The following C9orf50 variants were observed in gnomAD, a reference collection of about 807,000 sequenced individuals.
The protein encoded by C9orf50 is chromosome 9 open reading frame 50, also known as uncharacterized protein C9orf50.
Under a neutral mutation model 42.5 loss-of-function variants are expected in C9orf50, and 33 were observed. The ratio of observed to expected loss-of-function variants is 0.78; its 90% CI spans 0.59 to 1.04. The LOEUF (loss-of-function observed/expected upper bound fraction) is 1.04, where lower values mean the gene tolerates loss of function less well. C9orf50 is among the 50% of genes least tolerant of loss of function. The pLI, the probability that C9orf50 is intolerant of heterozygous loss-of-function variation, is 0.00. For synonymous variants in C9orf50, 257 were observed against 273.4 expected (o/e 0.94, Z 0.59); for missense variants, 547 against 594.3 (o/e 0.92, Z 0.83).
chr9:129,620,464 C>T lies in C9orf50; in HGVS notation c.111G>A (p.Pro37=). 7.5e-7 allele frequency: 1 copy of T among 1,341,138 alleles called. No individual in the cohort carries two copies. Among genetic ancestry groups the T allele is most frequent in the Non-Finnish European group, 9.6e-7 (1 of 1,043,030 alleles). 83.1% of individuals were successfully genotyped at this position (1,341,138 alleles called of 1,614,324 possible). A position where few individuals can be genotyped will look rare whatever the true frequency, so the allele number is the denominator to read the frequency against. ...CGCCCAGAGCCGCTCGGAGCGCGGGCGGGGTCAGCTTGGGCAGCCGCGGGT... is the reference window on the plus strand; with the variant it reads ...CGCCCAGAGCCGCTCGGAGCGCGGGTGGGGTCAGCTTGGGCAGCCGCGGGT... Residue 37 remains proline, a synonymous_variant, in exon 1 of 7, where the codon CCG becomes CCA. Transcript: ENST00000372478. The surrounding 1 kb of genome is among the most constrained non-coding windows in gnomAD (Gnocchi z 5.8).
chr9:129,613,156 G>T lies in C9orf50; in HGVS notation c.1139C>A (p.Pro380Gln). The T allele has an allele frequency of 1.5e-5, 24 of 1,613,762 alleles. No individual in the cohort carries two copies. The highest frequency in any genetic ancestry group is 2.0e-5 in the Non-Finnish European group (24 of 1,179,998). Reference sequence around the variant, plus strand: ...CAAGAAGGCTCGGAGGCTGCTTCGCGGCCTCTGAGCAGCGGCCTTCTTCCA... The same window carrying T: ...CAAGAAGGCTCGGAGGCTGCTTCGCTGCCTCTGAGCAGCGGCCTTCTTCCA... Residue 380 changes from proline to glutamine, a missense_variant, in exon 6 of 7, where the codon CCG (proline) becomes CAG (glutamine). Physicochemically the swap from Pro to Gln is moderately conservative, Grantham distance 76. This residue lies in a region of C9orf50 where 334 missense variants were observed against 323.7 expected (regional missense o/e 1.03). Coordinates refer to ENST00000372478, the Ensembl canonical transcript of C9orf50. This position sits in a 1 kb window ranked among gnomAD's most constrained non-coding sequence, Gnocchi z 6.2.
At position 129,613,323 on chromosome 9, in the gene C9orf50, T is replaced by C; in HGVS notation, c.1044-72A>G. 1.3e-6 allele frequency: 2 copies of C among 1,565,598 alleles called. No individual in the cohort carries two copies. The highest frequency in any genetic ancestry group is 1.7e-6 in the Non-Finnish European group (2 of 1,154,624). On this transcript the variant is annotated intron_variant, in intron 5 of 6. Coordinates refer to ENST00000372478, the Ensembl canonical transcript of C9orf50. The surrounding 1 kb of genome is among the most constrained non-coding windows in gnomAD (Gnocchi z 6.2). ...GCCCACCCATGGCTGGCAGGGCCCT[T>C]GAGGACCCACACTGGCAACCCGCCT... is the stretch of plus-strand genomic sequence containing the variant.
upstream of C9orf50, among the ~76,000 whole-genome samples, chr9:129,621,578 G>A (rs1317662695): frequency 6.6e-6 from 1 of 152,116 alleles, no homozygotes; most frequent in African/African-American, 2.4e-5. Context: ...ATGTTGCACG[G>A]GCTGGTCTTG....
Position 129,613,485 on chromosome 9 carries a change from C to A in C9orf50, c.993G>T (p.Gly331=). 1 of 1,614,150 alleles carries A rather than the reference C, an allele frequency of 6.2e-7. No individual in the cohort carries two copies. Among genetic ancestry groups the A allele is most frequent in the Non-Finnish European group, 8.5e-7 (1 of 1,180,034 alleles). ...AGCTGGCCAGGGTCTCCTCCTTGGC[C>A]CCAGGGTACAGGGCTTTGGGCAAAC... is the stretch of plus-strand genomic sequence containing the variant. Residue 331 remains glycine, a synonymous_variant, in exon 5 of 7, where the codon GGG becomes GGT. Transcript: ENST00000372478. The surrounding 1 kb of genome is among the most constrained non-coding windows in gnomAD (Gnocchi z 6.2).
upstream of C9orf50, among the ~76,000 whole-genome samples, chr9:129,621,393 G>C (rs567695780): frequency 2.0e-4 from 31 of 152,306 alleles, no homozygotes; most frequent in Non-Finnish European, 3.7e-4. Flanking sequence ...GGGTCCTGCT[G>C]TCACCCAGGC....
chr9:129,619,383 G>A (rs767677850), intron 3 of C9orf50, 137 bp downstream of exon 3: 47 of 687,526 alleles, frequency 6.8e-5, no homozygotes, highest in Non-Finnish European at 1.0e-4. Flanking sequence ...TCTGATTCAC[G>A]GACAGCCATA....
chr9:129,615,444 A>G, intron 4 of C9orf50, 40 bp downstream of exon 4: 1 of 1,524,862 alleles, frequency 6.6e-7, no homozygotes, highest in East Asian at 2.4e-5. Context: ...CCTGGCTAGA[A>G]CTTTCGGGAG....
chr9:129,612,295 C>T (rs1038087427), exon 7 of C9orf50: 5 of 1,472,920 alleles, frequency 3.4e-6, no homozygotes, highest in South Asian at 1.2e-5. Flanking sequence ...CAAGGAAGGA[C>T]GCTCCTCATT....
chr9:129,612,383 G>A (rs1451921542), exon 7 of C9orf50: 5 of 1,613,452 alleles, frequency 3.1e-6, no homozygotes, highest in African/African-American at 1.3e-5. Context: ...CGGAGGCCAG[G>A]AGGAGATGGT....
rs1830140436 is a variant in C9orf50 at position 129,612,474 on chromosome 9, C to G, written c.1189-20G>C. ...GGACTCCTAGAGTGAGACAGAGGAC[C>G]AGCTGGCTGCTACCAGGACCTCGGG... On this transcript the variant is annotated intron_variant, in intron 6 of 6. Coordinates refer to ENST00000372478, the Ensembl canonical transcript of C9orf50. 2 of 1,598,580 alleles carry G rather than the reference C, an allele frequency of 1.3e-6. No homozygotes were observed. The highest frequency in any genetic ancestry group is 1.7e-6 in the Non-Finnish European group (2 of 1,169,056).
chr9:129,612,638 G>C (rs1229726683), intron 6 of C9orf50, among the ~76,000 whole-genome samples, 184 bp from the exon 7 acceptor site: 1 of 152,238 alleles, frequency 6.6e-6, no homozygotes, highest in African/African-American at 2.4e-5. Flanking sequence ...AGCAGTTTGG[G>C]AGGCCAAGGC....
rs1311655855 is a variant in C9orf50 at position 129,620,051 on chromosome 9, C to T, written c.508+16G>A. The T allele has an allele frequency of 2.1e-6, 3 of 1,450,330 alleles. No homozygotes were observed. In the South Asian group the frequency reaches 4.4e-5, roughly 21 times the overall value. The allele number at this position is 1,450,330 out of a possible 1,614,324, so 89.8% of individuals were successfully genotyped here. ...AAATGACTCGGGCCCGCCCCCCGGG[C>T]CCCGCGGGGCCTCACTCAGTGGCTC... On this transcript the variant is annotated intron_variant, in intron 1 of 6. Coordinates refer to ENST00000372478, the Ensembl canonical transcript of C9orf50. This position sits in a 1 kb window ranked among gnomAD's most constrained non-coding sequence, Gnocchi z 5.8.
chr9:129,620,990 A>C (rs1390976517), upstream of C9orf50, among the ~76,000 whole-genome samples: 2 of 152,236 alleles, frequency 1.3e-5, no homozygotes, highest in African/African-American at 4.8e-5. The surrounding 1 kb of genome is among the most constrained non-coding windows in gnomAD (Gnocchi z 5.8). Flanking sequence ...TGGCCAAGCC[A>C]ATTAACTTCC....
Position 129,618,866 on chromosome 9 carries a change from G to A in C9orf50, c.716+654C>T, listed in dbSNP as rs971628038. Among the ~76,000 whole-genome samples the A allele has an allele frequency of 1.8e-4, 14 of 77,870 alleles. 1 individual carries two copies. The South Asian group carries it at 3.2e-3, about 18-fold the overall frequency. The allele number at this position is 77,870 out of a possible 152,430, so 51.1% of individuals were successfully genotyped here. ...CGCCACCACGCCCGGCTAATTTTTTGTGTTTTTTTTTTTTTTTTTGTATAT... is the reference window on the plus strand; with the variant it reads ...CGCCACCACGCCCGGCTAATTTTTTATGTTTTTTTTTTTTTTTTTGTATAT... On this transcript the variant is annotated intron_variant, in intron 3 of 6. Coordinates refer to ENST00000372478, the Ensembl canonical transcript of C9orf50.
Position 129,620,666 on chromosome 9 carries a change from A to C in C9orf50, c.-92T>G, listed in dbSNP as rs1333296128. On this transcript the variant is annotated 5_prime_UTR_variant, in exon 1 of 7. The change abolishes an upstream ATG in the 5' untranslated region. Transcript: ENST00000372478. The surrounding 1 kb of genome is among the most constrained non-coding windows in gnomAD (Gnocchi z 5.8). ...GGAGGGCATAGTCCAGCCCCAGGCC[A>C]TAGTGCCCCGGGCGGGGCAGCGCGG... 9 of 1,171,060 alleles carry C rather than the reference A, an allele frequency of 7.7e-6. No homozygotes were observed. Among genetic ancestry groups the C allele is most frequent in the Non-Finnish European group, 9.7e-6 (9 of 930,148 alleles). The allele number at this position is 1,171,060 out of a possible 1,614,324, so 72.5% of individuals were successfully genotyped here.
Position 129,620,551 on chromosome 9 carries a change from TG to T in C9orf50, c.23del (p.Pro8GlnfsTer28). On this transcript the variant is annotated frameshift_variant, in exon 1 of 7. Coordinates refer to ENST00000372478, the Ensembl canonical transcript of C9orf50. LOFTEE classifies it high-confidence loss of function. The surrounding 1 kb of genome is among the most constrained non-coding windows in gnomAD (Gnocchi z 5.8). ...CCTTGGGCGCCAGGTCCTGGGCCCC[TG>T]GGCGAAGTCGACGCCAGAACATGCT... 2 of 1,397,314 alleles carry T rather than the reference TG, an allele frequency of 1.4e-6. No individual in the cohort carries two copies. Among genetic ancestry groups the T allele is most frequent in the Non-Finnish European group, 1.9e-6 (2 of 1,072,472 alleles). The allele number at this position is 1,397,314 out of a possible 1,614,324, so 86.6% of individuals were successfully genotyped here.
At position 129,613,455 on chromosome 9, in the gene C9orf50, CGAG is replaced by C; in HGVS notation, c.1020_1022del (p.Ser341del). 1 of 1,614,008 alleles carries C rather than the reference CGAG, an allele frequency of 6.2e-7. No individual in the cohort carries two copies. Among genetic ancestry groups the C allele is most frequent in the Non-Finnish European group, 8.5e-7 (1 of 1,180,022 alleles). Reference sequence around the variant, plus strand: ...CTCACAGGCCAGCGCAGTCCCAACACGAGGAGCTGGCCAGGGTCTCCTCCTTGG... The same window carrying C: ...CTCACAGGCCAGCGCAGTCCCAACACGAGCTGGCCAGGGTCTCCTCCTTGG... On this transcript the variant is annotated inframe_deletion, in exon 5 of 7. Coordinates refer to ENST00000372478, the Ensembl canonical transcript of C9orf50. This position sits in a 1 kb window ranked among gnomAD's most constrained non-coding sequence, Gnocchi z 6.2.
At chr9:129,615,562 G>T in exon 4 of C9orf50, 2 of 1,609,678 alleles carry the variant, frequency 1.2e-6, no homozygotes, top group South Asian at 1.1e-5. Context: ...AAAGGGCAAC[G>T]CTGCCTGCAG....
In C9orf50 at chr9:129,620,204, C is replaced by T. The variant is rs1357232412; in HGVS notation, c.371G>A (p.Arg124His). Residue 124 changes from arginine (R) to histidine (H), a missense_variant, in exon 1 of 7, where the codon CGC (arginine) becomes CAC (histidine). Transcript: ENST00000372478. The surrounding 1 kb of genome is among the most constrained non-coding windows in gnomAD (Gnocchi z 5.8). ...GGCCACGCGCCTCCGGGGGCGCTCG[C>T]GCTCTCCAGGCCCTGGCTGCCTGGG... 4 of 1,446,268 alleles carry T rather than the reference C, an allele frequency of 2.8e-6. No homozygotes were observed. The African/African-American group carries it at 4.3e-5, about 16-fold the overall frequency. 89.6% of individuals were successfully genotyped at this position (1,446,268 alleles called of 1,614,324 possible).
Sources: gnomAD v4.1 joint callset for allele counts (sites outside exome capture counted in the v4.1 genomes callset) on GRCh38, gnomAD v4.1.1 for gene constraint, gnomAD v4.1.1 regional missense constraint, Gnocchi (gnomAD v3.1) non-coding constraint, MANE v1.5 for transcripts, NCBI Gene and HGNC (gene_info 2026-07-23, HGNC 2026-07-21) for gene names.